NRG4: variants seen among roughly 807,000 people sequenced by gnomAD.
NRG4 encodes neuregulin 4.
In NRG4, 10 loss-of-function variants were observed where a neutral mutation model predicts 15.0. The observed-to-expected ratio is 0.67, with a 90% confidence interval of 0.41 to 1.13. NRG4 has a LOEUF of 1.13. Among genes scored for constraint, NRG4 ranks in the 50% most tolerant of loss-of-function variants. NRG4 has a pLI of 0.00. For missense variants in NRG4, 139 were observed against 140.2 expected (o/e 0.99, Z 0.04); for synonymous variants, 41 against 50.1 (o/e 0.82, Z 0.77).
chr15:76,045,019 A>T (rs1056917713), intron 4 of NRG4, among the ~76,000 whole-genome samples: 5 of 150,710 alleles, frequency 3.3e-5, no homozygotes, highest in Non-Finnish European at 7.4e-5. Context: ...CACAGAATGG[A>T]GAAAATATTT....
chr15:75,982,960 G>A (rs1407078149), intron 3 of NRG4, among the ~76,000 whole-genome samples: 3 of 152,110 alleles, frequency 2.0e-5, no homozygotes, highest in African/African-American at 7.2e-5. Context: ...CATGTTTGCA[G>A]TAGAAGCCCA....
intron 3 of NRG4, among the ~76,000 whole-genome samples, chr15:75,990,671 G>GTTTTTTTTTTTTTTTTTTTTTTTT (rs374504639): frequency 2.3e-5 from 3 of 130,616 alleles, no homozygotes; most frequent in Non-Finnish European, 3.2e-5. Flanking sequence ...GTTGGTAATT[G>GTTTTTTTTTTTTTTTTTTTTTTTT]TTTTTTTTTT....
At chr15:75,952,570 CT>C (rs2031972108) in intron 5 of NRG4, among the ~76,000 whole-genome samples, 4 of 137,310 alleles carry the variant, frequency 2.9e-5, no homozygotes, top group South Asian at 2.3e-4. Flanking sequence ...ATTTTTTTTT[CT>C]TTTTTTTCGC....
upstream of NRG4, among the ~76,000 whole-genome samples, chr15:76,017,155 C>CTTTTTT (rs66838505): frequency 2.3e-4 from 12 of 52,318 alleles, no homozygotes; most frequent in Non-Finnish European, 2.8e-4. Flanking sequence ...CAACCCCTGC[C>CTTTTTT]TTTTTTTTTT....
intron 5 of NRG4, among the ~76,000 whole-genome samples, chr15:76,019,927 C>A (rs2035100987): frequency 6.6e-6 from 1 of 152,180 alleles, no homozygotes; most frequent in African/African-American, 2.4e-5. Context: ...TTACTAAAGG[C>A]TTGTGGCAAC....
In NRG4 at chr15:75,989,766, CTT is replaced by C. The variant is rs544171552; in HGVS notation, c.104+19432_104+19433del. ...TTGTAGGTCTGTTTCTACTGATTGA[CTT>C]TTTCATCCTAATCACATTTGCCTGC... is the stretch of plus-strand genomic sequence containing the variant. On this transcript the variant is annotated intron_variant, in intron 3 of 5. Coordinates refer to ENST00000394907, the MANE Select transcript of NRG4 (RefSeq NM_138573.4). Among the ~76,000 whole-genome samples the C allele has an allele frequency of 1.8e-3, 267 of 152,110 alleles. 3 individuals carry two copies. The highest frequency in any genetic ancestry group is 6.0e-3 in the African/African-American group (249 of 41,496).
chr15:76,028,362 A>G (rs1185588136), intron 5 of NRG4, among the ~76,000 whole-genome samples: 1 of 152,130 alleles, frequency 6.6e-6, no homozygotes, highest in Non-Finnish European at 1.5e-5. Context: ...ATGAACAACT[A>G]CATGCCAATA....
chr15:75,943,912 C>T lies in NRG4; in HGVS notation c.332-258G>A, dbSNP rs148062062. Among the ~76,000 whole-genome samples, 18 of 152,188 alleles carry T rather than the reference C, an allele frequency of 1.2e-4. No homozygotes were observed. The East Asian group carries it at 3.5e-3, about 29-fold the overall frequency. ...TTCCCTGCATGCCTGCCCACACCCC[C>T]CGCCCCTCACTGTCTTTGCTCACTG... On this transcript the variant is annotated intron_variant, in intron 5 of 5. Coordinates refer to ENST00000394907, the MANE Select transcript of NRG4 (RefSeq NM_138573.4).
At chr15:76,010,876 CA>C (rs1296744601) in intron 2 of NRG4, among the ~76,000 whole-genome samples, 1 of 152,044 alleles carries the variant, frequency 6.6e-6, no homozygotes, top group Non-Finnish European at 1.5e-5. Context: ...TTTATTTTAT[CA>C]ATAAAGAAAA....
chr15:76,037,353 A>T (rs887680069), intron 4 of NRG4, among the ~76,000 whole-genome samples: 3 of 152,196 alleles, frequency 2.0e-5, no homozygotes, highest in Non-Finnish European at 2.9e-5. Flanking sequence ...CTATCCCATC[A>T]CAGTAGCCAA....
Position 75,943,729 on chromosome 15 carries a change from CTCTTA to C in NRG4, c.332-80_332-76del, listed in dbSNP as rs1057077393. 6.3e-5 allele frequency: 57 copies of C among 911,212 alleles called. No homozygotes were observed. In the African/African-American group the frequency reaches 7.5e-4, roughly 12 times the overall value. The allele number at this position is 911,212 out of a possible 1,614,324, so 56.4% of individuals were successfully genotyped here. A position where few individuals can be genotyped will look rare whatever the true frequency, so the allele number is the denominator to read the frequency against. ...TTACTACGCACACCTATCTACATGT[CTCTTA>C]TCTTCTTCACATATATAAGCCAACC... On this transcript the variant is annotated intron_variant, in intron 5 of 5. Coordinates refer to ENST00000394907, the MANE Select transcript of NRG4 (RefSeq NM_138573.4).
At chr15:75,987,502 AG>A (rs755679547) in intron 3 of NRG4, among the ~76,000 whole-genome samples, 4 of 152,090 alleles carry the variant, frequency 2.6e-5, no homozygotes, top group Non-Finnish European at 4.4e-5. Context: ...GAGGGTCATG[AG>A]GGTCAAGATG....
chr15:76,059,116 G>A (rs1207683450), intron 1 of NRG4, among the ~76,000 whole-genome samples: 1 of 152,124 alleles, frequency 6.6e-6, no homozygotes, highest in African/African-American at 2.4e-5. Context: ...GTGTATCTGC[G>A]GTACTGGGAT....
intron 5 of NRG4, among the ~76,000 whole-genome samples, chr15:76,017,634 T>C (rs1026079188): frequency 1.3e-5 from 2 of 152,152 alleles, no homozygotes; most frequent in Non-Finnish European, 2.9e-5. Context: ...TTGAAAATTC[T>C]TTTAAGAATG....
chr15:76,006,356 C>A (rs2034606025), intron 3 of NRG4, among the ~76,000 whole-genome samples: 1 of 152,110 alleles, frequency 6.6e-6, no homozygotes, highest in Non-Finnish European at 1.5e-5. Flanking sequence ...GCTATTACAG[C>A]CTACAGGGCT....
chr15:76,016,939 A>G (rs956775784), upstream of NRG4, among the ~76,000 whole-genome samples: 29 of 152,020 alleles, frequency 1.9e-4, no homozygotes, highest in African/African-American at 7.0e-4. Flanking sequence ...AAAGTTTCCC[A>G]CTATTATTGT....
At chr15:75,972,172 G>A (rs2033127684) in intron 3 of NRG4, among the ~76,000 whole-genome samples, 2 of 152,128 alleles carry the variant, frequency 1.3e-5, no homozygotes, top group South Asian at 4.1e-4. Flanking sequence ...GTCTTATTTT[G>A]ATAAATGTCT....
chr15:76,052,904 T>A (rs2036054633), intron 3 of NRG4: 1 of 151,202 alleles, frequency 6.6e-6, no homozygotes, highest in South Asian at 2.1e-4. Flanking sequence ...AATAGTATAT[T>A]TTTGTAACTA....
chr15:75,997,560 G>A (rs1176769366), intron 3 of NRG4, among the ~76,000 whole-genome samples: 6 of 152,110 alleles, frequency 3.9e-5, no homozygotes, highest in Non-Finnish European at 5.9e-5. Context: ...GTACAGTAGA[G>A]AGAGATATAA....
Sources: gnomAD v4.1 joint callset for allele counts (sites outside exome capture counted in the v4.1 genomes callset) on GRCh38, gnomAD v4.1.1 for gene constraint, MANE v1.5 for transcripts, NCBI Gene and HGNC (gene_info 2026-07-23, HGNC 2026-07-21) for gene names.